The following SGCZ variants were observed in gnomAD, a reference collection of about 807,000 sequenced individuals.
SGCZ encodes the protein zeta-sarcoglycan.
Under a neutral mutation model 41.3 loss-of-function variants are expected in SGCZ, and 40 were observed. The ratio of observed to expected loss-of-function variants is 0.97; its 90% CI spans 0.75 to 1.26. The LOEUF (loss-of-function observed/expected upper bound fraction) is 1.26, where lower values mean the gene tolerates loss of function less well. Among genes scored for constraint, SGCZ ranks in the 50% most tolerant of loss-of-function variants. The pLI, the probability that SGCZ is intolerant of heterozygous loss-of-function variation, is 0.00. For synonymous variants in SGCZ, 206 were observed against 137.5 expected, an observed-to-expected ratio of 1.50 and a Z score of -3.49; for missense variants, 552 against 369.8, an observed-to-expected ratio of 1.49 and a Z score of -4.04.
intron 1 of SGCZ, among the ~76,000 whole-genome samples, chr8:14,947,827 G>A (rs1800503765): frequency 6.6e-6 from 1 of 152,138 alleles, no homozygotes; most frequent in South Asian, 2.1e-4. Context: ...GTTTTAATAA[G>A]CCATTTAGTT....
intron 1 of SGCZ, among the ~76,000 whole-genome samples, chr8:15,022,589 G>A (rs549430895): frequency 1.4e-4 from 21 of 152,140 alleles, no homozygotes; most frequent in East Asian, 9.7e-4. Flanking sequence ...TGATGCACCC[G>A]CCTCGGCCTC....
At chr8:14,195,790 T>G (rs575643116) in intron 4 of SGCZ, among the ~76,000 whole-genome samples, 1 of 152,128 alleles carries the variant, frequency 6.6e-6, no homozygotes, top group Non-Finnish European at 1.5e-5. Flanking sequence ...AATGGATGAC[T>G]CCCAATTCTA....
chr8:15,222,665 T>A (rs1309507871), intron 1 of SGCZ, among the ~76,000 whole-genome samples: 1 of 152,174 alleles, frequency 6.6e-6, no homozygotes, highest in Non-Finnish European at 1.5e-5. Context: ...TTTGTTTTTA[T>A]ACATCCCAAA....
chr8:14,895,312 G>A (rs1348212928), intron 1 of SGCZ, among the ~76,000 whole-genome samples: 3 of 151,930 alleles, frequency 2.0e-5, no homozygotes, highest in Non-Finnish European at 4.4e-5. Flanking sequence ...CTCTTAAATG[G>A]GGCCAAAATT....
intron 1 of SGCZ, among the ~76,000 whole-genome samples, chr8:14,937,924 T>C (rs1585394932): frequency 6.6e-6 from 1 of 152,228 alleles, no homozygotes; most frequent in South Asian, 2.1e-4. Flanking sequence ...GGATATAATA[T>C]AATCTAGGGT....
intron 1 of SGCZ, among the ~76,000 whole-genome samples, chr8:15,179,243 T>C (rs268353): frequency 0.069 from 10,556 of 152,216 alleles, 426 homozygotes; most frequent in African/African-American, 0.085. Context: ...CTCAGTAGAT[T>C]TTTCTTCAGA....
In SGCZ at chr8:14,435,719, T is replaced by C. The variant is rs897277894; in HGVS notation, c.235-111515A>G. On this transcript the variant is annotated intron_variant, in intron 2 of 7. Transcript: ENST00000382080. ...GTGAAGTGTTTTATAAATCTCAAAG[T>C]AGACATTTGAATATGATTAATGAAA... Among the ~76,000 whole-genome samples the C allele has an allele frequency of 2.0e-5, 3 of 152,184 alleles. No individual in the cohort carries two copies. The South Asian group carries it at 6.2e-4, about 31-fold the overall frequency.
At chr8:14,939,568 G>A (rs76526980) in intron 1 of SGCZ, among the ~76,000 whole-genome samples, 126 of 152,162 alleles carry the variant, frequency 8.3e-4, no homozygotes, top group Middle Eastern at 3.4e-3. Flanking sequence ...TAGCACAGTC[G>A]CTTCATCAAA....
At chr8:14,100,587 A>G (rs13261628) in intron 7 of SGCZ, among the ~76,000 whole-genome samples, 51,099 of 139,984 alleles carry the variant, frequency 0.37, 11,255 homozygotes, top group Non-Finnish European at 0.51. Flanking sequence ...TTCAAATAAT[A>G]TATTATATTT....
At chr8:15,069,569 G>C (rs948973827) in intron 1 of SGCZ, among the ~76,000 whole-genome samples, 4 of 152,104 alleles carry the variant, frequency 2.6e-5, no homozygotes, top group Non-Finnish European at 2.9e-5. Context: ...CAACCTCCAG[G>C]TTCCATTTCT....
chr8:15,062,421 A>G (rs1804970298), intron 1 of SGCZ, among the ~76,000 whole-genome samples: 2 of 152,142 alleles, frequency 1.3e-5, no homozygotes, highest in African/African-American at 4.8e-5. Context: ...CTGTCTGTAC[A>G]TTTCTAGAAA....
intron 3 of SGCZ, among the ~76,000 whole-genome samples, chr8:14,303,983 C>T (rs1031900025): frequency 6.6e-6 from 1 of 151,964 alleles, no homozygotes; most frequent in Non-Finnish European, 1.5e-5. Flanking sequence ...AACTCCTGAC[C>T]TCAAGTGATA....
chr8:14,727,521 T>A lies in SGCZ; in HGVS notation c.40-172595A>T, dbSNP rs140310659. ...GAAAGCATGTACAATAATGCTTTTT[T>A]TTTTTTTGAGGTGGAGTCTCACTCT... On this transcript the variant is annotated intron_variant, in intron 1 of 7. Transcript: ENST00000382080. 3.9e-3 allele frequency among the ~76,000 whole-genome samples: 597 copies of A among 152,114 alleles called. 4 individuals are homozygous for A. The highest frequency in any genetic ancestry group is 0.013 in the African/African-American group (535 of 41,456).
intron 1 of SGCZ, among the ~76,000 whole-genome samples, chr8:14,563,474 G>C (rs1304743944): frequency 1.3e-5 from 2 of 152,128 alleles, no homozygotes; most frequent in Non-Finnish European, 2.9e-5. Flanking sequence ...AGTTGTTGTT[G>C]GCTATATTAA....
chr8:14,702,574 T>C (rs1585194046), intron 1 of SGCZ, among the ~76,000 whole-genome samples: 2 of 151,868 alleles, frequency 1.3e-5, no homozygotes, highest in African/African-American at 2.4e-5. Flanking sequence ...AACAAAATTA[T>C]TGACCCAATC....
At chr8:15,067,197 A>G (rs1400373844) in intron 1 of SGCZ, among the ~76,000 whole-genome samples, 2 of 152,000 alleles carry the variant, frequency 1.3e-5, no homozygotes, top group Non-Finnish European at 2.9e-5. Flanking sequence ...CTCTTTCATC[A>G]CAAAACCCAT....
rs558502765 is a variant in SGCZ, at chr8:14,916,925, G to T, written c.39+320660C>A. Among the ~76,000 whole-genome samples, 458 of 152,112 alleles carry T rather than the reference G, an allele frequency of 3.0e-3. 3 individuals are homozygous for T. Among genetic ancestry groups the T allele is most frequent in the African/African-American group, 0.011 (438 of 41,526 alleles). On this transcript the variant is annotated intron_variant, in intron 1 of 7. Coordinates refer to ENST00000382080, the MANE Select transcript of SGCZ (RefSeq NM_139167.4). ...TTGTATTTACTGCTAGGTTGATATT[G>T]TTACTCAGCGTCAGAGAAAAACAGT...
chr8:14,172,838 T>A (rs149603440), intron 4 of SGCZ, among the ~76,000 whole-genome samples: 1 of 152,090 alleles, frequency 6.6e-6, no homozygotes. Flanking sequence ...AGAAAACTTA[T>A]AGGAGCACTC....
chr8:15,145,441 T>A (rs1473892696), intron 1 of SGCZ, among the ~76,000 whole-genome samples: 1 of 152,178 alleles, frequency 6.6e-6, no homozygotes, highest in Non-Finnish European at 1.5e-5. Context: ...ATCTACTATG[T>A]GAATTAAGCC....
Sources: gnomAD v4.1 joint callset for allele counts (sites outside exome capture counted in the v4.1 genomes callset) on GRCh38, gnomAD v4.1.1 for gene constraint, MANE v1.5 for transcripts, NCBI Gene and HGNC (gene_info 2026-07-23, HGNC 2026-07-21) for gene names.